The following SV2C variants were observed in gnomAD, a reference collection of about 807,000 sequenced individuals.
SV2C encodes the protein solute carrier family 22 member B3.
SV2C carries 49 observed loss-of-function variants against 79.7 expected under a neutral mutation model. The ratio of observed to expected loss-of-function variants is 0.61; its 90% confidence interval spans 0.49 to 0.78. The LOEUF (loss-of-function observed/expected upper bound fraction) is 0.78, where lower values mean the gene tolerates loss of function less well. SV2C is among the 30% of genes least tolerant of loss of function. SV2C has a pLI of 0.00. For synonymous variants in SV2C, 334 were observed against 333.2 expected (o/e 1.00, Z -0.03); for missense variants, 833 against 912.9 (o/e 0.91, Z 1.13).
At chr5:75,958,731 A>G in the SV2C span, among the ~76,000 whole-genome samples, 1 of 151,328 alleles carries the variant, frequency 6.6e-6, no homozygotes, top group Non-Finnish European at 1.5e-5. Context: ...TCTTTTTGAG[A>G]CTCTATCATT....
At chr5:76,244,393 A>T (rs553500419) in intron 4 of SV2C, among the ~76,000 whole-genome samples, 1 of 152,364 alleles carries the variant, frequency 6.6e-6, no homozygotes, top group African/African-American at 2.4e-5. Context: ...GGTCTTGCCC[A>T]GTGCTGTCCA....
upstream of SV2C, among the ~76,000 whole-genome samples, chr5:76,081,272 A>G (rs1401263670): frequency 6.6e-6 from 1 of 152,246 alleles, no homozygotes; most frequent in Admixed American, 6.5e-5. Flanking sequence ...AACTTCCATC[A>G]CTTGGAGAAA....
chr5:76,173,481 T>G, intron 2 of SV2C: 3 of 817,726 alleles, frequency 3.7e-6, no homozygotes, highest in East Asian at 2.4e-5. Context: ...CAAACTGATA[T>G]AGTAGCTTTC....
chr5:75,972,827 G>A, the SV2C span, among the ~76,000 whole-genome samples: 1 of 152,002 alleles, frequency 6.6e-6, no homozygotes, highest in East Asian at 1.9e-4. Context: ...CCATTACTGG[G>A]TAAACACCCA....
chr5:76,245,054 C>T (rs1378796447), intron 4 of SV2C, among the ~76,000 whole-genome samples: 1 of 152,132 alleles, frequency 6.6e-6, no homozygotes, highest in Non-Finnish European at 1.5e-5. Flanking sequence ...TCCATGGTAC[C>T]CCCAAATTGG....
intron 4 of SV2C, among the ~76,000 whole-genome samples, chr5:76,227,639 G>A (rs759577584): frequency 7.2e-5 from 11 of 152,208 alleles, no homozygotes; most frequent in Non-Finnish European, 1.5e-4. Context: ...CACAATGCAT[G>A]AGCCAGATAA....
chr5:76,214,942 G>C (rs1744872482), intron 4 of SV2C, among the ~76,000 whole-genome samples: 1 of 152,098 alleles, frequency 6.6e-6, no homozygotes, highest in African/African-American at 2.4e-5. Flanking sequence ...CTATATGTAA[G>C]ATCATGTCAC....
At chr5:75,908,510 A>G in the SV2C span, among the ~76,000 whole-genome samples, 14 of 152,122 alleles carry the variant, frequency 9.2e-5, no homozygotes, top group Non-Finnish European at 1.8e-4. Flanking sequence ...TATTAGTTTT[A>G]TGTGCCAGGT....
chr5:76,174,288 G>C, intron 2 of SV2C: 1 of 1,132,784 alleles, frequency 8.8e-7, no homozygotes, highest in East Asian at 2.4e-5. Context: ...TACTCTAGGC[G>C]CCACGGCGGT....
the SV2C span, chr5:75,911,476 T>G: frequency 1.2e-6 from 1 of 851,276 alleles, no homozygotes; most frequent in Non-Finnish European, 1.9e-6. Context: ...GAACATACCC[T>G]CCAGTCCTCC....
At chr5:75,941,162 C>T in the SV2C span, among the ~76,000 whole-genome samples, 4 of 152,132 alleles carry the variant, frequency 2.6e-5, no homozygotes, top group African/African-American at 9.7e-5. Flanking sequence ...ATACCAGCTT[C>T]AGTTTTATTA....
chr5:76,266,249 C>T (rs1746649939), intron 4 of SV2C, among the ~76,000 whole-genome samples: 1 of 152,058 alleles, frequency 6.6e-6, no homozygotes, highest in Non-Finnish European at 1.5e-5. Context: ...ACTCTGTCAC[C>T]CAGGCTGGAG....
chr5:76,226,804 A>T lies in SV2C; in HGVS notation c.913+16917A>T, dbSNP rs936372972. On this transcript the variant is annotated intron_variant, in intron 4 of 12. Transcript: ENST00000502798. Reference sequence around the variant, plus strand: ...AGACACGGGTGATGGGCCTGTGCTGATGGAGAAAGATGTGTCTCTCTGGGA... The same window carrying T: ...AGACACGGGTGATGGGCCTGTGCTGTTGGAGAAAGATGTGTCTCTCTGGGA... Among the ~76,000 whole-genome samples, 6 of 152,152 alleles carry T rather than the reference A, an allele frequency of 3.9e-5. No individual in the cohort carries two copies. The East Asian group carries it at 1.2e-3, about 29-fold the overall frequency.
the SV2C span, among the ~76,000 whole-genome samples, chr5:75,974,365 T>A: frequency 2.0e-5 from 3 of 152,244 alleles, no homozygotes; most frequent in South Asian, 4.1e-4. Context: ...GAACACACTC[T>A]TAGAAAGTTA....
At chr5:76,227,446 G>C (rs1460519357) in intron 4 of SV2C, among the ~76,000 whole-genome samples, 1 of 152,202 alleles carries the variant, frequency 6.6e-6, no homozygotes, top group Non-Finnish European at 1.5e-5. Context: ...CAGTAACCCA[G>C]TGCCTTCCTA....
At chr5:76,272,641 G>A (rs779175542) in intron 4 of SV2C, among the ~76,000 whole-genome samples, 6 of 152,020 alleles carry the variant, frequency 3.9e-5, no homozygotes, top group Admixed American at 1.3e-4. Context: ...AAAGTATTTC[G>A]TTTCTTGCCT....
rs367706312 is a variant in SV2C at position 76,291,197 on chromosome 5, G to A, written c.1138-24G>A. The A allele has an allele frequency of 4.3e-5, 67 of 1,568,472 alleles. 1 individual carries two copies. Among genetic ancestry groups the A allele is most frequent in the African/African-American group, 1.4e-4 (10 of 73,166 alleles). On this transcript the variant is annotated intron_variant, in intron 6 of 12. Transcript: ENST00000502798. ...GCAACTTCAGAGAAGGTAACTTAGC[G>A]CTTTGGTCTGTTTCTCTCTACAGGT...
intron 2 of SV2C, among the ~76,000 whole-genome samples, chr5:76,161,940 T>C (rs1451625887): frequency 6.6e-6 from 1 of 152,196 alleles, no homozygotes; most frequent in East Asian, 1.9e-4. Flanking sequence ...TGGGACCTTA[T>C]CACCTAGTTC....
upstream of SV2C, among the ~76,000 whole-genome samples, chr5:76,082,573 C>T (rs76082712): frequency 1.3e-5 from 2 of 150,322 alleles, no homozygotes; most frequent in African/African-American, 4.9e-5. Flanking sequence ...CTTTCTTTCT[C>T]TTTTTCTTTC....
Sources: allele counts gnomAD v4.1 joint callset (sites outside exome capture counted in the v4.1 genomes callset), GRCh38; gene constraint gnomAD v4.1.1; transcripts MANE v1.5; gene names NCBI Gene and HGNC (gene_info 2026-07-23, HGNC 2026-07-21).